The following SNTG1 variants were observed in gnomAD, a reference collection of about 807,000 sequenced individuals.
The protein encoded by SNTG1 is gamma-1-syntrophin.
SNTG1 carries 39 observed loss-of-function variants against 74.7 expected under a neutral mutation model. The ratio of observed to expected loss-of-function variants is 0.52; its 90% confidence interval spans 0.40 to 0.68. SNTG1 has a LOEUF of 0.68. SNTG1 is among the 30% of genes least tolerant of loss of function. The pLI is 0.00. For missense variants in SNTG1, 685 were observed against 609.5 expected (o/e 1.12, Z -1.30); for synonymous variants, 254 against 217.1 (o/e 1.17, Z -1.49).
At chr8:50,641,856 G>T (rs1233229226) in intron 13 of SNTG1, among the ~76,000 whole-genome samples, 6 of 152,130 alleles carry the variant, frequency 3.9e-5, no homozygotes, top group Non-Finnish European at 7.4e-5. Flanking sequence ...CCAGGACCTT[G>T]CCATTCACTG....
chr8:50,135,885 T>G (rs1373161975), intron 1 of SNTG1, among the ~76,000 whole-genome samples: 1 of 152,172 alleles, frequency 6.6e-6, no homozygotes, highest in African/African-American at 2.4e-5. Context: ...GATAGTTTTT[T>G]GATCCTCACC....
chr8:50,089,585 A>G (rs1305087647), intron 1 of SNTG1, among the ~76,000 whole-genome samples: 3 of 152,140 alleles, frequency 2.0e-5, no homozygotes, highest in Non-Finnish European at 4.4e-5. Flanking sequence ...CCCCATCAAA[A>G]AGTGGGCGAA....
chr8:50,182,206 A>G (rs1342127520), intron 2 of SNTG1, among the ~76,000 whole-genome samples: 1 of 152,212 alleles, frequency 6.6e-6, no homozygotes, highest in African/African-American at 2.4e-5. Context: ...AATAACACAT[A>G]TATAATAATA....
chr8:50,491,955 A>C (rs915591943), intron 8 of SNTG1, among the ~76,000 whole-genome samples: 2 of 142,172 alleles, frequency 1.4e-5, no homozygotes, highest in Non-Finnish European at 3.0e-5. Flanking sequence ...CTCACTGTTC[A>C]ACTCCCACTT....
At chr8:50,006,818 G>A (rs1281173773) in intron 1 of SNTG1, among the ~76,000 whole-genome samples, 4 of 152,112 alleles carry the variant, frequency 2.6e-5, no homozygotes, top group South Asian at 2.1e-4. Context: ...TTCCAGCCTC[G>A]TGCTTGTCAA....
intron 2 of SNTG1, among the ~76,000 whole-genome samples, chr8:50,207,082 A>C (rs920136110): frequency 6.6e-6 from 1 of 152,176 alleles, no homozygotes; most frequent in Non-Finnish European, 1.5e-5. Flanking sequence ...TGGCCTCATA[A>C]AATGAGTTAG....
At chr8:50,692,131 C>T (rs2095383139) in intron 15 of SNTG1, among the ~76,000 whole-genome samples, 1 of 152,032 alleles carries the variant, frequency 6.6e-6, no homozygotes, top group African/African-American at 2.4e-5. Context: ...TGCATTGGTT[C>T]TTCTAGTTAT....
At chr8:50,660,241 G>GGAAGGAAGGAAA (rs1268485246) in intron 15 of SNTG1, among the ~76,000 whole-genome samples, 1 of 144,204 alleles carries the variant, frequency 6.9e-6, no homozygotes, top group African/African-American at 2.6e-5. Flanking sequence ...AAGGAAAGAA[G>GGAAGGAAGGAAA]GAAGGAAAGA....
intron 1 of SNTG1, among the ~76,000 whole-genome samples, chr8:50,079,414 T>G (rs1200520591): frequency 1.3e-5 from 2 of 151,592 alleles, no homozygotes; most frequent in African/African-American, 2.4e-5. Context: ...TTGTTTGTTT[T>G]TTTTTTTCTT....
At chr8:50,690,003 C>A (rs1183506950) in intron 15 of SNTG1, among the ~76,000 whole-genome samples, 1 of 152,146 alleles carries the variant, frequency 6.6e-6, no homozygotes, top group South Asian at 2.1e-4. Flanking sequence ...AGGAATTTAT[C>A]CATTTCTTCT....
intron 9 of SNTG1, among the ~76,000 whole-genome samples, chr8:50,517,053 G>A (rs770012248): frequency 3.9e-5 from 6 of 152,042 alleles, no homozygotes; most frequent in Non-Finnish European, 5.9e-5. Flanking sequence ...GAGAAAGGTC[G>A]TGTTACCAAC....
At chr8:50,362,364 C>T (rs2091983536) in intron 2 of SNTG1, among the ~76,000 whole-genome samples, 1 of 152,130 alleles carries the variant, frequency 6.6e-6, no homozygotes, top group Non-Finnish European at 1.5e-5. Context: ...TAAACTAACG[C>T]TGTAGCTTTG....
chr8:50,263,558 C>T (rs888666774), intron 2 of SNTG1, among the ~76,000 whole-genome samples: 9 of 151,874 alleles, frequency 5.9e-5, no homozygotes, highest in Non-Finnish European at 1.3e-4. Flanking sequence ...CTTAAGATAG[C>T]TGGTGTGGCT....
intron 2 of SNTG1, among the ~76,000 whole-genome samples, chr8:50,368,029 G>T (rs556164852): frequency 3.3e-5 from 5 of 152,288 alleles, no homozygotes; most frequent in Middle Eastern, 3.4e-3. Context: ...GACATTAAAG[G>T]CAATTCTGGT....
chr8:50,679,321 G>C (rs771661399), intron 15 of SNTG1, among the ~76,000 whole-genome samples: 1 of 152,066 alleles, frequency 6.6e-6, no homozygotes, highest in Non-Finnish European at 1.5e-5. Flanking sequence ...TGTGTTAATA[G>C]AATGAACTAG....
intron 2 of SNTG1, among the ~76,000 whole-genome samples, chr8:50,185,973 T>C (rs964923514): frequency 6.6e-6 from 1 of 152,150 alleles, no homozygotes; most frequent in Non-Finnish European, 1.5e-5. Flanking sequence ...ATTCATTAAG[T>C]ATTTGCCCTA....
At chr8:50,352,074 TGA>T (rs1223291744) in intron 2 of SNTG1, among the ~76,000 whole-genome samples, 1 of 152,202 alleles carries the variant, frequency 6.6e-6, no homozygotes, top group Admixed American at 6.5e-5. Context: ...TCTTTGCAAG[TGA>T]GAGTCATGTA....
At chr8:50,487,485 A>G (rs1326185228) in intron 8 of SNTG1, among the ~76,000 whole-genome samples, 3 of 152,236 alleles carry the variant, frequency 2.0e-5, no homozygotes, top group Non-Finnish European at 4.4e-5. Context: ...TGGCACATTT[A>G]CACCATGGAA....
chr8:49,997,341 A>T (rs2130394598), intron 1 of SNTG1, among the ~76,000 whole-genome samples: 1 of 152,274 alleles, frequency 6.6e-6, no homozygotes, highest in African/African-American at 2.4e-5. Context: ...ATGCCTTCAT[A>T]GATTATTCCC....
Sources: allele counts gnomAD v4.1 joint callset (sites outside exome capture counted in the v4.1 genomes callset), GRCh38; gene constraint gnomAD v4.1.1; transcripts MANE v1.5; gene names NCBI Gene and HGNC (gene_info 2026-07-23, HGNC 2026-07-21).